CADM2: variants seen among roughly 807,000 people sequenced by gnomAD.
The protein encoded by CADM2 is immunoglobulin superfamily member 4D.
CADM2 carries 12 observed loss-of-function variants against 49.8 expected under a neutral mutation model. The ratio of observed to expected loss-of-function variants is 0.24; its 90% CI spans 0.15 to 0.39. The LOEUF (loss-of-function observed/expected upper bound fraction) is 0.39. Ranked by LOEUF, CADM2 falls within the 10% of genes least tolerant of loss-of-function variation. CADM2 has a pLI of 1.00. For missense variants in CADM2, 378 were observed against 492.3 expected (o/e 0.77, Z 2.20); for synonymous variants, 214 against 175.4 (o/e 1.22, Z -1.74).
chr3:84,987,988 C>G (rs1247937752), intron 1 of CADM2, among the ~76,000 whole-genome samples: 1 of 152,114 alleles, frequency 6.6e-6, no homozygotes, highest in African/African-American at 2.4e-5. Flanking sequence ...TGAGAATTAC[C>G]CCTAGGGAAG....
chr3:86,066,431 CA>C (rs569391316), intron 9 of CADM2, among the ~76,000 whole-genome samples: 160 of 146,358 alleles, frequency 1.1e-3, no homozygotes, highest in African/African-American at 4.0e-3. Flanking sequence ...AAAGAAGTCA[CA>C]ATTACTTATT....
chr3:85,585,284 A>T (rs1163919843), intron 1 of CADM2, among the ~76,000 whole-genome samples: 1 of 151,662 alleles, frequency 6.6e-6, no homozygotes, highest in African/African-American at 2.4e-5. Context: ...TCCACAGTGG[A>T]TCCAAAGTGC....
At chr3:85,307,454 T>A (rs908234049) in intron 1 of CADM2, among the ~76,000 whole-genome samples, 1 of 151,800 alleles carries the variant, frequency 6.6e-6, no homozygotes, top group African/African-American at 2.4e-5. Flanking sequence ...TACCTTCTCA[T>A]GCAACAGTTC....
At chr3:85,497,708 T>G (rs1254248371) in intron 1 of CADM2, among the ~76,000 whole-genome samples, 1 of 152,094 alleles carries the variant, frequency 6.6e-6, no homozygotes, top group African/African-American at 2.4e-5. Flanking sequence ...TTGAATTAAA[T>G]CCTTTATTTT....
chr3:85,481,533 G>C (rs1214391005), intron 1 of CADM2, among the ~76,000 whole-genome samples: 2 of 151,590 alleles, frequency 1.3e-5, no homozygotes, highest in Non-Finnish European at 3.0e-5. Flanking sequence ...TCATTAACAA[G>C]TCAGAAAGGG....
At chr3:86,044,577 A>T (rs1002969296) in intron 8 of CADM2, among the ~76,000 whole-genome samples, 23 of 152,170 alleles carry the variant, frequency 1.5e-4, no homozygotes, top group Admixed American at 2.6e-4. Flanking sequence ...GCTAGAGAGG[A>T]TGTGGAGAAA....
intron 1 of CADM2, among the ~76,000 whole-genome samples, chr3:85,178,328 TA>T (rs1224200461): frequency 2.0e-5 from 3 of 151,892 alleles, no homozygotes; most frequent in Non-Finnish European, 4.4e-5. Context: ...ACATGATATA[TA>T]AAAACAGTAC....
At chr3:85,536,806 A>C (rs1164940952) in intron 1 of CADM2, among the ~76,000 whole-genome samples, 3 of 151,916 alleles carry the variant, frequency 2.0e-5, no homozygotes, top group Non-Finnish European at 4.4e-5. Context: ...ACTTTAGACT[A>C]TTATATATAT....
intron 8 of CADM2, among the ~76,000 whole-genome samples, chr3:85,972,457 G>A (rs1726274507): frequency 6.6e-6 from 1 of 151,618 alleles, no homozygotes; most frequent in Admixed American, 6.6e-5. Context: ...CCACCCCTGG[G>A]GGAGGACATT....
intron 8 of CADM2, among the ~76,000 whole-genome samples, chr3:86,027,172 G>A (rs1577993636): frequency 6.6e-6 from 1 of 152,076 alleles, no homozygotes; most frequent in South Asian, 2.1e-4. Flanking sequence ...GTTTAGTGTG[G>A]ATTCCCTACC....
chr3:85,606,602 T>G (rs2063545136), intron 1 of CADM2, among the ~76,000 whole-genome samples: 1 of 151,920 alleles, frequency 6.6e-6, no homozygotes, highest in African/African-American at 2.4e-5. Context: ...TATTGCGGAG[T>G]GCTACAGGCA....
At chr3:85,260,798 A>G (rs925276655) in intron 1 of CADM2, among the ~76,000 whole-genome samples, 2 of 152,142 alleles carry the variant, frequency 1.3e-5, no homozygotes, top group African/African-American at 4.8e-5. Flanking sequence ...AACTATTCAC[A>G]AATTATAGTT....
At chr3:85,056,313 G>A (rs987933125) in intron 1 of CADM2, among the ~76,000 whole-genome samples, 3 of 151,926 alleles carry the variant, frequency 2.0e-5, no homozygotes, top group Non-Finnish European at 2.9e-5. Flanking sequence ...AGTGCTTTAT[G>A]GTTTTATCTC....
At chr3:85,824,814 G>A (rs886901764) in intron 3 of CADM2, among the ~76,000 whole-genome samples, 2 of 151,994 alleles carry the variant, frequency 1.3e-5, no homozygotes, top group Non-Finnish European at 2.9e-5. Context: ...AAACTAAGAA[G>A]TGGAGAAGAA....
intron 1 of CADM2, among the ~76,000 whole-genome samples, chr3:85,387,599 A>G (rs2107381876): frequency 6.6e-6 from 1 of 152,332 alleles, no homozygotes; most frequent in Middle Eastern, 3.4e-3. Flanking sequence ...TCTGAAATGG[A>G]AAATTTATAT....
chr3:85,653,025 T>C (rs2065099538), intron 1 of CADM2, among the ~76,000 whole-genome samples: 1 of 151,484 alleles, frequency 6.6e-6, no homozygotes, highest in Non-Finnish European at 1.5e-5. Flanking sequence ...CACCTGCCTC[T>C]GCCTCCCAAA....
intron 2 of CADM2, among the ~76,000 whole-genome samples, chr3:85,734,990 GTGTGTGTGTA>G (rs1313065055): frequency 1.3e-5 from 2 of 151,036 alleles, no homozygotes; most frequent in African/African-American, 4.9e-5. Context: ...GTGTGTGTGT[GTGTGTGTGTA>G]TGTGTGTGTG....
intron 7 of CADM2, 122 bp from the exon 8 acceptor site, chr3:85,961,347 T>G (rs1300275302): frequency 2.6e-6 from 2 of 763,376 alleles, no homozygotes; most frequent in African/African-American, 3.6e-5. Context: ...TGGTATCTTA[T>G]AGAAGTTAGC....
intron 1 of CADM2, among the ~76,000 whole-genome samples, chr3:85,619,287 T>C (rs1296423875): frequency 6.6e-6 from 1 of 151,514 alleles, no homozygotes; most frequent in African/African-American, 2.4e-5. Context: ...TTTATTGATA[T>C]TTTTTCACTG....
Sources: gnomAD v4.1 joint callset for allele counts (sites outside exome capture counted in the v4.1 genomes callset) on GRCh38, gnomAD v4.1.1 for gene constraint, MANE v1.5 for transcripts, NCBI Gene and HGNC (gene_info 2026-07-23, HGNC 2026-07-21) for gene names.